The following MYSM1 variants were observed in gnomAD, a reference collection of about 807,000 sequenced individuals.
MYSM1 encodes Myb like, SWIRM and MPN domains 1, also known as deubiquitinase MYSM1.
In MYSM1, 51 loss-of-function variants were observed where a neutral mutation model predicts 116.0. The observed-to-expected ratio is 0.44, with a 90% CI of 0.35 to 0.56. MYSM1 has a LOEUF of 0.56. Among genes scored for constraint, MYSM1 ranks in the 20% least tolerant of loss-of-function variants. The pLI is 0.00. For missense variants in MYSM1, 900 were observed against 974.9 expected, an observed-to-expected ratio of 0.92 and a Z score of 1.02; for synonymous variants, 313 against 315.2, an observed-to-expected ratio of 0.99 and a Z score of 0.07.
rs781327613 is a variant in MYSM1 at position 58,700,011 on chromosome 1, C to A, written c.42G>T (p.Val14=). Reference sequence around the variant, plus strand: ...CTGGCTGTGCCCCCGCCGCCGCTACCACGTCCCCTTCGATATCCACATCCG... The same window carrying A: ...CTGGCTGTGCCCCCGCCGCCGCTACAACGTCCCCTTCGATATCCACATCCG... ...EEADVDIEGD[V]VAAAGAQPGS... Residue 14 remains valine, a synonymous_variant, in exon 1 of 20, where the codon GTG becomes GTT. Coordinates refer to ENST00000472487, the MANE Select transcript of MYSM1 (RefSeq NM_001085487.3). 12 of 1,613,704 alleles carry A rather than the reference C, an allele frequency of 7.4e-6. No individual in the cohort carries two copies. The South Asian group carries it at 1.2e-4, about 16-fold the overall frequency.
rs780123646 is a variant in MYSM1, at chr1:58,700,062, T to G, written c.-10A>C. On this transcript the variant is annotated 5_prime_UTR_variant, in exon 1 of 20. Transcript: ENST00000472487. ...CCTCTTCAGCCGCCATGATGGGACC[T>G]GACCCCGTCCGTCCTCCCGAGAGAT... 6.2e-7 allele frequency: 1 copy of G among 1,613,522 alleles called. No homozygotes were observed. Among genetic ancestry groups the G allele is most frequent in the Non-Finnish European group, 8.5e-7 (1 of 1,179,942 alleles).
In MYSM1 at chr1:58,661,402, A is replaced by G. The variant is rs1225980297; in HGVS notation, c.2270+4T>C. The G allele has an allele frequency of 2.6e-6, 4 of 1,521,056 alleles. No homozygotes were observed. Among genetic ancestry groups the G allele is most frequent in the East Asian group, 2.3e-5 (1 of 44,428 alleles). 94.2% of individuals were successfully genotyped at this position (1,521,056 alleles called of 1,614,324 possible). Reference sequence around the variant, plus strand: ...GTGCAACCATCTCAAACCACAGTACATACCTATGGGAGAGCCTGTATTTTT... The same window carrying G: ...GTGCAACCATCTCAAACCACAGTACGTACCTATGGGAGAGCCTGTATTTTT... On this transcript the variant is annotated splice_donor_region_variant and intron_variant, in intron 18 of 19. Transcript: ENST00000472487.
At chr1:58,682,664 T>C (rs1644764370) in intron 7 of MYSM1, 119 bp from the exon 8 acceptor site, 6 of 930,838 alleles carry the variant, frequency 6.4e-6, no homozygotes, top group Non-Finnish European at 9.0e-6. Context: ...AAATGGTACA[T>C]TATACCTCTA....
chr1:58,672,868 T>C (rs566591760), intron 11 of MYSM1, among the ~76,000 whole-genome samples: 1 of 152,260 alleles, frequency 6.6e-6, no homozygotes, highest in South Asian at 2.1e-4. Flanking sequence ...AAGCCCCTTA[T>C]GGGAAGGATG....
At chr1:58,680,413 C>G (rs945698462) in intron 8 of MYSM1, among the ~76,000 whole-genome samples, 2 of 152,172 alleles carry the variant, frequency 1.3e-5, no homozygotes, top group African/African-American at 4.8e-5. Context: ...AGCTCTTTAA[C>G]AACTATAAAG....
At position 58,700,035 on chromosome 1, in the gene MYSM1, C is replaced by T. The variant is rs763642539; in HGVS notation, c.18G>A (p.Ala6=). 149 of 1,613,654 alleles carry T rather than the reference C, an allele frequency of 9.2e-5. No homozygotes were observed. Among genetic ancestry groups the T allele is most frequent in the Non-Finnish European group, 1.2e-4 (143 of 1,179,990 alleles). The change falls in exon 1 of 20, where the codon GCG becomes GCA. Residue 6 remains alanine, a synonymous_variant. Transcript: ENST00000472487. ...CCACGTCCCCTTCGATATCCACATC[C>T]GCCTCTTCAGCCGCCATGATGGGAC... MAAEE[A]DVDIEGDVVA...
At chr1:58,667,984 C>G in intron 14 of MYSM1, 63 bp from the exon 15 acceptor site, 1 of 1,121,374 alleles carries the variant, frequency 8.9e-7, no homozygotes, top group Non-Finnish European at 1.4e-6. Context: ...AGTAACAAAA[C>G]TCACTTATCA....
rs546923174 is a variant in MYSM1 at position 58,673,505 on chromosome 1, T to C, written c.1572+68A>G. 378 of 1,226,228 alleles carry C rather than the reference T, an allele frequency of 3.1e-4. 1 individual carries two copies. The highest frequency in any genetic ancestry group is 6.0e-4 in the South Asian group (48 of 80,100). The allele number at this position is 1,226,228 out of a possible 1,614,324, so 76.0% of individuals were successfully genotyped here. ...TGAAACAAGTACAATACATATGACA[T>C]TAAGATGTACAAATATATATTTAAA... is the stretch of plus-strand genomic sequence containing the variant. On this transcript the variant is annotated intron_variant, in intron 11 of 19. Coordinates refer to ENST00000472487, the MANE Select transcript of MYSM1 (RefSeq NM_001085487.3).
chr1:58,658,004 A>G lies in MYSM1; in HGVS notation c.*1993T>C, dbSNP rs1557499744. 1 of 152,184 alleles carries G rather than the reference A, an allele frequency of 6.6e-6. No homozygotes were observed. Among genetic ancestry groups the G allele is most frequent in the Non-Finnish European group, 1.5e-5 (1 of 68,042 alleles). 9.4% of individuals were successfully genotyped at this position (152,184 alleles called of 1,614,324 possible). ...AACACTTTTTAGTATTTGTTCCCCA[A>G]TATATCATGAGGAAACAGGTCAAAA... On this transcript the variant is annotated 3_prime_UTR_variant, in exon 20 of 20. Coordinates refer to ENST00000472487, the MANE Select transcript of MYSM1 (RefSeq NM_001085487.3).
chr1:58,663,000 A>G (rs1265680682), intron 17 of MYSM1, among the ~76,000 whole-genome samples: 1 of 152,174 alleles, frequency 6.6e-6, no homozygotes, highest in East Asian at 1.9e-4. Flanking sequence ...CACTTTACAT[A>G]TATTACTGAC....
chr1:58,695,306 G>T, intron 1 of MYSM1, 99 bp from the exon 2 acceptor site: 1 of 673,554 alleles, frequency 1.5e-6, no homozygotes, highest in Non-Finnish European at 2.6e-6. Context: ...AGGGAACTAA[G>T]CAAATACTTA....
chr1:58,680,345 T>C (rs1168616698), intron 8 of MYSM1, among the ~76,000 whole-genome samples: 1 of 152,168 alleles, frequency 6.6e-6, no homozygotes, highest in Non-Finnish European at 1.5e-5. Flanking sequence ...ATAAACATAA[T>C]ACCATCTGCA....
At chr1:58,672,434 T>C (rs1396717040) in intron 11 of MYSM1, among the ~76,000 whole-genome samples, 1 of 152,016 alleles carries the variant, frequency 6.6e-6, no homozygotes, top group Admixed American at 6.6e-5. Flanking sequence ...TCTTTAAAAA[T>C]GGGAACAATA....
rs772121905 is a variant in MYSM1, at chr1:58,682,459, T to C, written c.585A>G (p.Ala195=). ...QVKNEDKGTK[A]WTPSCLRGRA... ...GTCCCCTTAAACATGATGGTGTCCA[T>C]GCCTTTGTCCCTTTATCTTCATTTT... The change falls in exon 8 of 20, where the codon GCA becomes GCG. Residue 195 remains alanine (A), a synonymous_variant. Transcript: ENST00000472487. 6.2e-7 allele frequency: 1 copy of C among 1,614,162 alleles called. No individual in the cohort carries two copies. Among genetic ancestry groups the C allele is most frequent in the Non-Finnish European group, 8.5e-7 (1 of 1,180,032 alleles).
chr1:58,695,289 G>C, intron 1 of MYSM1, 82 bp from the exon 2 acceptor site: 2 of 833,180 alleles, frequency 2.4e-6, no homozygotes, highest in South Asian at 3.0e-5. Flanking sequence ...GAATCCAGCA[G>C]GTAGTAAGGG....
rs1644313654 is a variant in MYSM1 at position 58,655,894 on chromosome 1, T to TG, written c.*4102dup. On this transcript the variant is annotated 3_prime_UTR_variant, in exon 20 of 20. Transcript: ENST00000472487. ...ATACCATATATTGGTAGAGTATAGG[T>TG]GAAAAAAAAAATAAAATTTGGGCAC... is the stretch of plus-strand genomic sequence containing the variant. The TG allele has an allele frequency of 6.6e-6, 1 of 151,742 alleles. No individual in the cohort carries two copies. Among genetic ancestry groups the TG allele is most frequent in the South Asian group, 2.1e-4 (1 of 4,806 alleles). The allele number at this position is 151,742 out of a possible 1,614,324, so 9.4% of individuals were successfully genotyped here.
intron 1 of MYSM1, among the ~76,000 whole-genome samples, chr1:58,698,671 T>C (rs1315673859): frequency 6.6e-6 from 1 of 152,222 alleles, no homozygotes; most frequent in Non-Finnish European, 1.5e-5. Flanking sequence ...TGCAGATAAG[T>C]ATCCCTGCCA....
chr1:58,699,816 G>A, intron 1 of MYSM1, 169 bp downstream of exon 1: 1 of 985,406 alleles, frequency 1.0e-6, no homozygotes, highest in Non-Finnish European at 1.2e-6. Context: ...TGCCCGCTGG[G>A]CTTGGGACAA....
intron 9 of MYSM1, among the ~76,000 whole-genome samples, chr1:58,676,386 A>G (rs1644652604): frequency 6.7e-6 from 1 of 149,938 alleles, no homozygotes; most frequent in South Asian, 2.1e-4. Context: ...ACTGCACTTC[A>G]GCCTGGGCAA....
Sources: gnomAD v4.1 joint callset for allele counts (sites outside exome capture counted in the v4.1 genomes callset) on GRCh38, gnomAD v4.1.1 for gene constraint, MANE v1.5 for transcripts, NCBI Gene and HGNC (gene_info 2026-07-23, HGNC 2026-07-21) for gene names.